SFMBT1: variants seen among roughly 807,000 people sequenced by gnomAD.
The protein encoded by SFMBT1 is Scm like with four mbt domains 1, also known as scm-like with four MBT domains protein 1.
A neutral mutation model predicts 108.7 loss-of-function variants in SFMBT1; 32 were observed. The ratio of observed to expected loss-of-function variants is 0.29; its 90% CI spans 0.22 to 0.40. The LOEUF is 0.40. Ranked by LOEUF, SFMBT1 falls within the 10% of genes least tolerant of loss-of-function variation. The probability of loss-of-function intolerance (pLI) is 1.00; values close to 1 mark genes in which losing one functional copy is unlikely to be tolerated. For missense variants in SFMBT1, 816 were observed against 1,059.6 expected, an observed-to-expected ratio of 0.77 and a Z score of 3.19; for synonymous variants, 348 against 369.5, an observed-to-expected ratio of 0.94 and a Z score of 0.67.
At chr3:52,923,173 G>A (rs1484733046) in intron 10 of SFMBT1, among the ~76,000 whole-genome samples, 1 of 152,194 alleles carries the variant, frequency 6.6e-6, no homozygotes, top group East Asian at 1.9e-4. Context: ...GGAAAAAGCA[G>A]TGATTATGCA....
At chr3:52,905,361 G>A in intron 20 of SFMBT1, 85 bp from the exon 21 acceptor site, 2 of 1,383,050 alleles carry the variant, frequency 1.4e-6, no homozygotes, top group Non-Finnish European at 2.0e-6. Context: ...CTTTAGCTCT[G>A]TCAAAACTGG....
In SFMBT1 at chr3:52,935,839, C is replaced by G. The variant is rs74555247; in HGVS notation, c.365-938G>C. Among the ~76,000 whole-genome samples, 749 of 152,294 alleles carry G rather than the reference C, an allele frequency of 4.9e-3. 40 individuals carry two copies. In the East Asian group the frequency reaches 0.12, roughly 24 times the overall value. ...CAGTAGGTTTCTTCTCCTTCCTCCC[C>G]TCCCGTGTCCCTACTCTCTCTTTTT... On this transcript the variant is annotated intron_variant, in intron 4 of 20. Transcript: ENST00000394752.
chr3:52,934,714 GT>G, intron 5 of SFMBT1, 98 bp downstream of exon 5: 1 of 960,000 alleles, frequency 1.0e-6, no homozygotes, highest in East Asian at 2.7e-5. Flanking sequence ...TAATAATAAC[GT>G]TTATTTTCTT....
intron 1 of SFMBT1, among the ~76,000 whole-genome samples, chr3:52,985,733 T>C (rs1704882682): frequency 6.6e-6 from 1 of 152,332 alleles, no homozygotes; most frequent in East Asian, 1.9e-4. Context: ...GGCTATACGG[T>C]GTAGCCTATT....
intron 1 of SFMBT1, among the ~76,000 whole-genome samples, chr3:53,033,557 C>T (rs951128576): frequency 6.6e-6 from 1 of 151,956 alleles, no homozygotes; most frequent in African/African-American, 2.4e-5. Flanking sequence ...GAAAAAATTC[C>T]AAATACTCTC....
chr3:53,031,062 C>A (rs1322188288), intron 1 of SFMBT1, among the ~76,000 whole-genome samples: 2 of 152,196 alleles, frequency 1.3e-5, no homozygotes, highest in Non-Finnish European at 1.5e-5. Context: ...GCCTGTCCAA[C>A]CCTCTTCAGA....
At chr3:52,929,734 T>A (rs1702801411) in intron 8 of SFMBT1, among the ~76,000 whole-genome samples, 1 of 152,224 alleles carries the variant, frequency 6.6e-6, no homozygotes, top group Non-Finnish European at 1.5e-5. Flanking sequence ...CTAGTCACAT[T>A]CAACTTTGGC....
intron 1 of SFMBT1, among the ~76,000 whole-genome samples, chr3:53,038,629 C>T (rs1219434119): frequency 6.6e-6 from 1 of 152,204 alleles, no homozygotes; most frequent in Non-Finnish European, 1.5e-5. Context: ...CTCTATTACC[C>T]TTAACTGTCA....
chr3:53,024,710 A>G (rs1006347411), intron 1 of SFMBT1, among the ~76,000 whole-genome samples: 1 of 152,196 alleles, frequency 6.6e-6, no homozygotes, highest in African/African-American at 2.4e-5. Flanking sequence ...AATTCTGAAT[A>G]TATTTTGAAC....
At chr3:52,984,238 C>G (rs976859956) in intron 1 of SFMBT1, among the ~76,000 whole-genome samples, 2 of 152,212 alleles carry the variant, frequency 1.3e-5, no homozygotes, top group Non-Finnish European at 2.9e-5. Flanking sequence ...TCCCTCACCA[C>G]TAAAGGTTTG....
intron 1 of SFMBT1, among the ~76,000 whole-genome samples, chr3:53,016,513 G>T (rs973980356): frequency 6.6e-6 from 1 of 152,194 alleles, no homozygotes; most frequent in Admixed American, 6.5e-5. Flanking sequence ...TGCAAATCTA[G>T]TGAGTGTGTA....
chr3:52,961,075 G>A (rs950223837), intron 2 of SFMBT1, among the ~76,000 whole-genome samples: 2 of 152,218 alleles, frequency 1.3e-5, no homozygotes, highest in African/African-American at 4.8e-5. Flanking sequence ...TGGGGCTACA[G>A]TGAGCAGTGA....
intron 4 of SFMBT1, among the ~76,000 whole-genome samples, chr3:52,943,054 T>TA (rs1703238322): frequency 6.6e-6 from 1 of 152,192 alleles, no homozygotes; most frequent in South Asian, 2.1e-4. Flanking sequence ...CCAACGGGCT[T>TA]AAAAACAACC....
At chr3:52,941,990 T>A (rs1451396050) in intron 4 of SFMBT1, among the ~76,000 whole-genome samples, 1 of 152,176 alleles carries the variant, frequency 6.6e-6, no homozygotes, top group Non-Finnish European at 1.5e-5. Flanking sequence ...TGATGGCTCA[T>A]GCCTGTGGTA....
chr3:52,968,355 C>T (rs890938225), intron 2 of SFMBT1, among the ~76,000 whole-genome samples: 1 of 150,520 alleles, frequency 6.6e-6, no homozygotes, highest in African/African-American at 2.4e-5. Flanking sequence ...GGGGATGGTT[C>T]CAGGAATCTA....
At chr3:53,014,947 C>T (rs1699075341) in intron 1 of SFMBT1, among the ~76,000 whole-genome samples, 1 of 152,176 alleles carries the variant, frequency 6.6e-6, no homozygotes, top group Non-Finnish European at 1.5e-5. Flanking sequence ...GGACCGGGAG[C>T]AGTGGCTCAT....
intron 4 of SFMBT1, among the ~76,000 whole-genome samples, chr3:52,941,663 T>C (rs1031557705): frequency 1.4e-5 from 2 of 147,522 alleles, no homozygotes; most frequent in African/African-American, 2.5e-5. Flanking sequence ...TCCCAACACT[T>C]TGAAAGGAGG....
At chr3:53,013,099 T>G (rs918911455) in intron 1 of SFMBT1, among the ~76,000 whole-genome samples, 7 of 151,776 alleles carry the variant, frequency 4.6e-5, no homozygotes, top group African/African-American at 1.7e-4. Flanking sequence ...GAAAATCTGC[T>G]TTAGGAATTG....
intron 1 of SFMBT1, among the ~76,000 whole-genome samples, chr3:53,042,613 G>C (rs1700093645): frequency 6.6e-6 from 1 of 152,204 alleles, no homozygotes; most frequent in East Asian, 1.9e-4. Context: ...AAAGTGCTGG[G>C]ATTATAGGCG....
Sources: allele counts gnomAD v4.1 joint callset (sites outside exome capture counted in the v4.1 genomes callset), GRCh38; gene constraint gnomAD v4.1.1; transcripts MANE v1.5; gene names NCBI Gene and HGNC (gene_info 2026-07-23, HGNC 2026-07-21).